The following PLCXD3 variants were observed in gnomAD, a reference collection of about 807,000 sequenced individuals.
PLCXD3 encodes phosphatidylinositol specific phospholipase C X domain containing 3.
In PLCXD3, 19 loss-of-function variants were observed where a neutral mutation model predicts 25.5. The ratio of observed to expected loss-of-function variants is 0.75; its 90% confidence interval spans 0.52 to 1.09. The LOEUF is 1.09. PLCXD3 is among the 50% of genes least tolerant of loss of function. PLCXD3 has a pLI of 0.00. For missense variants in PLCXD3, 411 were observed against 388.1 expected (o/e 1.06, Z -0.50); for synonymous variants, 174 against 137.6 (o/e 1.26, Z -1.85).
At position 41,313,020 on chromosome 5, in the gene PLCXD3, T is replaced by C. The variant is rs1163760714; in HGVS notation, c.*597A>G. On this transcript the variant is annotated 3_prime_UTR_variant, in exon 3 of 3. Transcript: ENST00000377801. ...CACTATTATTTTCATATAACAAAAA[T>C]CACTGATTATGACCTTCAATATTAC... 2 of 152,598 alleles carry C rather than the reference T, an allele frequency of 1.3e-5. No homozygotes were observed. Among genetic ancestry groups the C allele is most frequent in the South Asian group, 2.1e-4 (1 of 4,834 alleles). The allele number at this position is 152,598 out of a possible 1,614,324, so 9.5% of individuals were successfully genotyped here. A position where few individuals can be genotyped will look rare whatever the true frequency, so the allele number is the denominator to read the frequency against.
intron 2 of PLCXD3, among the ~76,000 whole-genome samples, chr5:41,316,522 C>T (rs193055872): frequency 2.2e-4 from 33 of 152,188 alleles, no homozygotes. Flanking sequence ...GGTACCAACA[C>T]TGCCATGGTT....
chr5:41,336,166 T>A (rs1478623851), intron 2 of PLCXD3, among the ~76,000 whole-genome samples: 3 of 152,164 alleles, frequency 2.0e-5, no homozygotes, highest in Non-Finnish European at 2.9e-5. Context: ...CGTTGTATAA[T>A]GACAATAATA....
At chr5:41,362,341 T>A (rs1409319126) in intron 2 of PLCXD3, among the ~76,000 whole-genome samples, 1 of 152,154 alleles carries the variant, frequency 6.6e-6, no homozygotes, top group Non-Finnish European at 1.5e-5. Context: ...GACTTTGAAA[T>A]CAGACTGACA....
chr5:41,434,596 G>A (rs930511476), intron 1 of PLCXD3, among the ~76,000 whole-genome samples: 4 of 152,116 alleles, frequency 2.6e-5, no homozygotes, highest in Admixed American at 6.5e-5. Flanking sequence ...TCTTGTATAA[G>A]CAGAATAAGA....
rs1554041759 is a variant in PLCXD3, at chr5:41,312,685, T to TTCCCTTCCTTCC, written c.*931_*932insGGAAGGAAGGGA. The TTCCCTTCCTTCC allele has an allele frequency of 1.9e-5, 2 of 104,772 alleles. No individual in the cohort carries two copies. The highest frequency in any genetic ancestry group is 3.5e-5 in the African/African-American group (1 of 28,436). The allele number at this position is 104,772 out of a possible 1,614,324, so 6.5% of individuals were successfully genotyped here. ...CTTCCTCCCTCCCTTCCTTTCTTCC[T>TTCCCTTCCTTCC]TTCCTTCCTTCCTTCCTTCCTTCCT... On this transcript the variant is annotated 3_prime_UTR_variant, in exon 3 of 3. Coordinates refer to ENST00000377801, the MANE Select transcript of PLCXD3 (RefSeq NM_001005473.3).
chr5:41,433,385 C>T (rs1747163014), intron 1 of PLCXD3, among the ~76,000 whole-genome samples: 1 of 151,982 alleles, frequency 6.6e-6, no homozygotes, highest in Non-Finnish European at 1.5e-5. Flanking sequence ...CCTCTTGCCC[C>T]TTTTTTTTCT....
chr5:41,352,648 T>G (rs1320484056), intron 2 of PLCXD3, among the ~76,000 whole-genome samples: 1 of 152,252 alleles, frequency 6.6e-6, no homozygotes, highest in East Asian at 1.9e-4. Flanking sequence ...TAGTAGAATC[T>G]AAAATTTTTA....
chr5:41,446,069 T>C (rs1747489269), intron 1 of PLCXD3, among the ~76,000 whole-genome samples: 1 of 147,012 alleles, frequency 6.8e-6, no homozygotes, highest in African/African-American at 2.5e-5. Context: ...GCGCCTGTAG[T>C]CCCAGCTTCT....
chr5:41,414,295 C>T (rs981216215), intron 1 of PLCXD3, among the ~76,000 whole-genome samples: 2 of 151,740 alleles, frequency 1.3e-5, no homozygotes, highest in East Asian at 1.9e-4. Context: ...AGTGCAATGG[C>T]GCGATCTCGG....
rs764950342 is a variant in PLCXD3, at chr5:41,403,398, G to GTTTTTTTTTTTTGTTTGTTTGTTT, written c.104-20865_104-20864insAAACAAACAAACAAAAAAAAAAAA. ...GCCATTTACCCAGATTGACTTATTT[G>GTTTTTTTTTTTTGTTTGTTTGTTT]TTGTTTTTTTTTTTTTTTATTATAC... On this transcript the variant is annotated intron_variant, in intron 1 of 2. Coordinates refer to ENST00000377801, the MANE Select transcript of PLCXD3 (RefSeq NM_001005473.3). Among the ~76,000 whole-genome samples, 5 of 33,998 alleles carry GTTTTTTTTTTTTGTTTGTTTGTTT rather than the reference G, an allele frequency of 1.5e-4. 1 individual carries two copies. The highest frequency in any genetic ancestry group is 1.3e-4 in the Non-Finnish European group (2 of 15,344). The allele number at this position is 33,998 out of a possible 152,430, so 22.3% of individuals were successfully genotyped here.
At chr5:41,456,281 C>T (rs941254777) in intron 1 of PLCXD3, among the ~76,000 whole-genome samples, 32 of 151,978 alleles carry the variant, frequency 2.1e-4, no homozygotes, top group African/African-American at 7.5e-4. Flanking sequence ...CTGACTAGTT[C>T]TGTGGAAATT....
rs1170281413 is a variant in PLCXD3 at position 41,381,919 on chromosome 5, C to G, written c.719G>C (p.Gly240Ala). Residue 240 changes from glycine to alanine, a missense_variant, in exon 2 of 3, where the codon GGA becomes GCA. By Grantham distance (60) the Gly-to-Ala change is moderately conservative. Coordinates refer to ENST00000377801, the MANE Select transcript of PLCXD3 (RefSeq NM_001005473.3). ...QASITERRKK[G>A]SFFISQVVLT... The stretch of plus-strand genomic sequence containing the variant: ...CACCACCTGAGATATAAAAAACGAT[C>G]CCTTCTTTCTTCTCTCAGTGATGGA... 6.2e-7 allele frequency: 1 copy of G among 1,613,380 alleles called. No individual in the cohort carries two copies. Among genetic ancestry groups the G allele is most frequent in the Admixed American group, 1.7e-5 (1 of 59,908 alleles).
intron 2 of PLCXD3, among the ~76,000 whole-genome samples, chr5:41,328,720 A>C (rs1345621703): frequency 1.3e-5 from 2 of 152,192 alleles, no homozygotes; most frequent in Admixed American, 6.5e-5. Context: ...CCTTCAAAGA[A>C]GCCACAAGAA....
At chr5:41,426,297 T>C (rs573522512) in intron 1 of PLCXD3, among the ~76,000 whole-genome samples, 73 of 150,928 alleles carry the variant, frequency 4.8e-4, no homozygotes, top group African/African-American at 1.8e-3. Context: ...TTTAATAGAG[T>C]TGTTTCTTAA....
At chr5:41,400,482 T>C (rs147657004) in intron 1 of PLCXD3, among the ~76,000 whole-genome samples, 2 of 152,174 alleles carry the variant, frequency 1.3e-5, no homozygotes, top group African/African-American at 4.8e-5. Flanking sequence ...ATGGTACATA[T>C]ACAGAATGGA....
chr5:41,400,903 C>T (rs1746163596), intron 1 of PLCXD3, among the ~76,000 whole-genome samples: 1 of 151,986 alleles, frequency 6.6e-6, no homozygotes, highest in Non-Finnish European at 1.5e-5. Flanking sequence ...ACCTCATTCT[C>T]TATGTTGTGC....
At chr5:41,382,683 A>G (rs1745507950) in intron 1 of PLCXD3, 149 bp from the exon 2 acceptor site, 1 of 604,716 alleles carries the variant, frequency 1.7e-6, no homozygotes, top group Non-Finnish European at 2.8e-6. Flanking sequence ...ATGCCTTAGG[A>G]GGGTCCTTTA....
rs575324929 is a variant in PLCXD3 at position 41,325,459 on chromosome 5, C to T, written c.813-11689G>A. Reference sequence around the variant, plus strand: ...TTAATCTTTTATCATTATTACCTCCCAAGGAGCTTTTTTGAATATTGTTTT... The same window carrying T: ...TTAATCTTTTATCATTATTACCTCCTAAGGAGCTTTTTTGAATATTGTTTT... On this transcript the variant is annotated intron_variant, in intron 2 of 2. Coordinates refer to ENST00000377801, the MANE Select transcript of PLCXD3 (RefSeq NM_001005473.3). Among the ~76,000 whole-genome samples, 4 of 152,290 alleles carry T rather than the reference C, an allele frequency of 2.6e-5. No homozygotes were observed. In the South Asian group the frequency reaches 8.3e-4, roughly 32 times the overall value.
chr5:41,414,132 T>C (rs1286129377), intron 1 of PLCXD3, among the ~76,000 whole-genome samples: 3 of 152,196 alleles, frequency 2.0e-5, no homozygotes, highest in Non-Finnish European at 4.4e-5. Context: ...AACTGAGGCT[T>C]CCATACCCCA....
Sources: gnomAD v4.1 joint callset for allele counts (sites outside exome capture counted in the v4.1 genomes callset) on GRCh38, gnomAD v4.1.1 for gene constraint, MANE v1.5 for transcripts, NCBI Gene and HGNC (gene_info 2026-07-23, HGNC 2026-07-21) for gene names.